JAK2: variants seen among roughly 807,000 people sequenced by gnomAD.
JAK2 encodes tyrosine-protein kinase JAK2.
JAK2 carries 86 observed loss-of-function variants against 139.3 expected under a neutral mutation model. That is an observed-to-expected ratio of 0.62 (90% CI 0.52 to 0.74). The LOEUF (loss-of-function observed/expected upper bound fraction) is 0.74, where lower values mean the gene tolerates loss of function less well. Ranked by LOEUF, JAK2 falls within the 30% of genes least tolerant of loss-of-function variation. The pLI is 0.00. For synonymous variants in JAK2, 490 were observed against 437.7 expected, an observed-to-expected ratio of 1.12 and a Z score of -1.49; for missense variants, 1,421 against 1,360.3, an observed-to-expected ratio of 1.04 and a Z score of -0.70.
intron 5 of JAK2, among the ~76,000 whole-genome samples, chr9:5,048,217 C>T (rs900157586): frequency 3.9e-5 from 6 of 152,184 alleles, no homozygotes; most frequent in African/African-American, 1.2e-4. Flanking sequence ...TCTCGGCTCA[C>T]TGCAACCTCT....
chr9:5,033,732 T>A (rs1193613588), intron 4 of JAK2, among the ~76,000 whole-genome samples: 1 of 152,142 alleles, frequency 6.6e-6, no homozygotes, highest in Non-Finnish European at 1.5e-5. Context: ...AAAGAGCTCC[T>A]GAAGGAAGCA....
intron 5 of JAK2, among the ~76,000 whole-genome samples, chr9:5,047,680 C>A (rs1290752566): frequency 6.6e-6 from 1 of 152,144 alleles, no homozygotes; most frequent in Non-Finnish European, 1.5e-5. Flanking sequence ...AGATTGAACT[C>A]CTGGGCTCCA....
chr9:5,103,029 AATTCACAC>A (rs2130756588), intron 22 of JAK2, among the ~76,000 whole-genome samples: 1 of 152,108 alleles, frequency 6.6e-6, no homozygotes, highest in Admixed American at 6.5e-5. Context: ...AACAGGTTCA[AATTCACAC>A]ATAACAATAT....
chr9:4,987,547 C>T (rs1820015961), intron 2 of JAK2, among the ~76,000 whole-genome samples: 1 of 151,850 alleles, frequency 6.6e-6, no homozygotes, highest in African/African-American at 2.4e-5. Context: ...ACCAGCCTGG[C>T]CAACATGGTG....
intron 22 of JAK2, among the ~76,000 whole-genome samples, chr9:5,096,067 A>G (rs942253549): frequency 6.6e-6 from 1 of 152,176 alleles, no homozygotes; most frequent in Non-Finnish European, 1.5e-5. Flanking sequence ...CCCAACCATT[A>G]TAGCTATCAT....
At chr9:4,994,419 G>A (rs1416310215) in intron 2 of JAK2, among the ~76,000 whole-genome samples, 1 of 152,190 alleles carries the variant, frequency 6.6e-6, no homozygotes, top group Admixed American at 6.5e-5. Context: ...TGTTTCATTA[G>A]CTCTGGAGTG....
Position 5,066,942 on chromosome 9 carries a change from C to T in JAK2, c.1326+153C>T, listed in dbSNP as rs185931046. 3.6e-3 allele frequency among the ~76,000 whole-genome samples: 554 copies of T among 151,924 alleles called. 3 individuals carry two copies. Among genetic ancestry groups the T allele is most frequent in the Middle Eastern group, 0.01 (3 of 294 alleles). On this transcript the variant is annotated intron_variant, in intron 10 of 24. Transcript: ENST00000381652. ...GCTTAATTTCCTCAGAGATTCTGTA[C>T]AAATAAACAAGTTATAATTCCCAGG...
Position 5,081,764 on chromosome 9 carries a change from T to G in JAK2, c.2474T>G (p.Met825Arg), listed in dbSNP as rs1411863328. The change falls in exon 19 of 25, where the codon ATG becomes AGG. Residue 825 changes from methionine to arginine, a missense_variant. By Grantham distance (91) the Met-to-Arg change is moderately conservative (BLOSUM62 -1). Coordinates refer to ENST00000381652, the MANE Select transcript of JAK2 (RefSeq NM_004972.4). ...ACAGAAAATGACATGTTACCAAATA[T>G]GAGGATAGGTGCCCTGGGGTTTTCT... is the stretch of plus-strand genomic sequence containing the variant. Reference protein sequence around the residue: ...LLTENDMLPNMRIGALGFSGA... With the variant: ...LLTENDMLPNRRIGALGFSGA... The G allele has an allele frequency of 1.2e-6, 2 of 1,601,576 alleles. No individual in the cohort carries two copies. The highest frequency in any genetic ancestry group is 1.7e-6 in the Non-Finnish European group (2 of 1,168,862).
At chr9:5,022,332 G>C (rs150829797) in intron 3 of JAK2, 119 bp downstream of exon 3, 1 of 625,196 alleles carries the variant, frequency 1.6e-6, no homozygotes, top group Non-Finnish European at 2.6e-6. Context: ...TATGGCTGGC[G>C]TGTGTGTTTT....
Position 5,015,433 on chromosome 9 carries a change from A to G in JAK2, c.-25-6530A>G, listed in dbSNP as rs542774819. Reference sequence around the variant, plus strand: ...TTTCATTGAGTTGACATATGCACAAATGGTACAGAAGTAATAGTGAGTTAA... The same window carrying G: ...TTTCATTGAGTTGACATATGCACAAGTGGTACAGAAGTAATAGTGAGTTAA... On this transcript the variant is annotated intron_variant, in intron 2 of 24. Coordinates refer to ENST00000381652, the MANE Select transcript of JAK2 (RefSeq NM_004972.4). Among the ~76,000 whole-genome samples, 15 of 152,320 alleles carry G rather than the reference A, an allele frequency of 9.8e-5. No homozygotes were observed. In the East Asian group the frequency reaches 2.5e-3, roughly 25 times the overall value.
intron 2 of JAK2, among the ~76,000 whole-genome samples, chr9:5,018,936 A>C (rs1011508478): frequency 6.6e-6 from 1 of 152,000 alleles, no homozygotes; most frequent in African/African-American, 2.4e-5. Context: ...TGCTGTTTTT[A>C]GAATTCTCTC....
intron 2 of JAK2, among the ~76,000 whole-genome samples, chr9:5,007,882 C>G (rs1355513116): frequency 6.6e-6 from 1 of 152,074 alleles, no homozygotes; most frequent in East Asian, 1.9e-4. Flanking sequence ...CACGTGCCAC[C>G]ACGCCTGGCT....
chr9:5,081,576 C>G (rs1819702570), intron 18 of JAK2, 149 bp from the exon 19 acceptor site: 2 of 584,360 alleles, frequency 3.4e-6, no homozygotes, highest in East Asian at 2.8e-5. Flanking sequence ...ATTAAAGGCT[C>G]CCATTAATAT....
intron 22 of JAK2, among the ~76,000 whole-genome samples, chr9:5,102,423 AC>A (rs1226861799): frequency 6.6e-6 from 1 of 152,250 alleles, no homozygotes; most frequent in African/African-American, 2.4e-5. Context: ...TGATTGTTGT[AC>A]CTGAAAGTGA....
At chr9:5,038,129 C>T (rs1236882180) in intron 4 of JAK2, among the ~76,000 whole-genome samples, 1 of 152,088 alleles carries the variant, frequency 6.6e-6, no homozygotes, top group Non-Finnish European at 1.5e-5. Flanking sequence ...TTAAATATTT[C>T]TTCATGTACA....
chr9:5,035,110 C>T (rs1162601773), intron 4 of JAK2, among the ~76,000 whole-genome samples: 1 of 152,178 alleles, frequency 6.6e-6, no homozygotes, highest in African/African-American at 2.4e-5. Flanking sequence ...AACACCTCTA[C>T]ATGAATAAAC....
At chr9:5,094,677 A>G (rs1316738837) in intron 22 of JAK2, 1 of 152,208 alleles carries the variant, frequency 6.6e-6, no homozygotes, top group Non-Finnish European at 1.5e-5. Flanking sequence ...CTTAACAGAA[A>G]GAGAATCAGA....
At chr9:5,023,836 G>A (rs947729205) in intron 3 of JAK2, among the ~76,000 whole-genome samples, 1 of 152,118 alleles carries the variant, frequency 6.6e-6, no homozygotes, top group South Asian at 2.1e-4. Flanking sequence ...ATTTTTTGTT[G>A]TGTGTAGTCT....
intron 22 of JAK2, among the ~76,000 whole-genome samples, chr9:5,116,047 T>TA (rs1282600000): frequency 1.3e-5 from 2 of 152,018 alleles, no homozygotes; most frequent in African/African-American, 4.8e-5. Flanking sequence ...TCCCAAAACT[T>TA]AAAGTATAAT....
Sources: gnomAD v4.1 joint callset for allele counts (sites outside exome capture counted in the v4.1 genomes callset) on GRCh38, gnomAD v4.1.1 for gene constraint, MANE v1.5 for transcripts, NCBI Gene and HGNC (gene_info 2026-07-23, HGNC 2026-07-21) for gene names.